The following MOBP variants were observed in gnomAD, a reference collection of about 807,000 sequenced individuals.
MOBP encodes the protein myelin associated oligodendrocyte basic protein, also known as myelin-associated oligodendrocyte basic protein.
In MOBP, 5 loss-of-function variants were observed where a neutral mutation model predicts 15.0. The observed-to-expected ratio is 0.33, with a 90% CI of 0.17 to 0.70. The LOEUF is 0.70. MOBP is among the 30% of genes least tolerant of loss of function. The pLI is 0.67. For missense variants in MOBP, 188 were observed against 257.8 expected, an observed-to-expected ratio of 0.73 and a Z score of 1.85; for synonymous variants, 88 against 99.0, an observed-to-expected ratio of 0.89 and a Z score of 0.66.
At chr3:39,513,385 T>G in exon 5 of MOBP, 1 of 1,613,902 alleles carries the variant, frequency 6.2e-7, no homozygotes. Flanking sequence ...TAAACCAGAT[T>G]GAAAAGGAAG....
intron 2 of MOBP, among the ~76,000 whole-genome samples, chr3:39,499,233 C>T (rs545311402): frequency 3.9e-5 from 6 of 152,082 alleles, no homozygotes; most frequent in African/African-American, 1.4e-4. Context: ...TCTAGCTGAA[C>T]TTCGCGACCT....
downstream of MOBP, among the ~76,000 whole-genome samples, chr3:39,519,819 AAG>A (rs1159976589): frequency 6.6e-6 from 1 of 152,112 alleles, no homozygotes; most frequent in Non-Finnish European, 1.5e-5. Flanking sequence ...TAGGGGCAGA[AAG>A]AGACCACAGC....
intron 2 of MOBP, among the ~76,000 whole-genome samples, chr3:39,492,757 T>G (rs1433689494): frequency 6.6e-6 from 1 of 152,190 alleles, no homozygotes; most frequent in Non-Finnish European, 1.5e-5. Context: ...CTGAAGCCAG[T>G]GTGTTATTCT....
exon 5 of MOBP, chr3:39,513,532 A>T: frequency 8.9e-7 from 1 of 1,127,676 alleles, no homozygotes; most frequent in Non-Finnish European, 1.3e-6. Context: ...TGCAGGGGCA[A>T]ACACCTGCTG....
rs182481107 is a variant in MOBP, at chr3:39,496,060, T to C, written c.-4-6006T>C. Among the ~76,000 whole-genome samples the C allele has an allele frequency of 9.9e-5, 15 of 152,210 alleles. No individual in the cohort carries two copies. The East Asian group carries it at 2.7e-3, about 27-fold the overall frequency. ...TTCAATAATATAAATTTGAAAAATA[T>C]GTAAGGTGTGGTCCTACTTTTTATT... is the stretch of plus-strand genomic sequence containing the variant. On this transcript the variant is annotated intron_variant, in intron 2 of 3. Coordinates refer to ENST00000684792, the MANE Select transcript of MOBP (RefSeq NM_001393704.1).
intron 4 of MOBP, among the ~76,000 whole-genome samples, chr3:39,509,150 C>A (rs1207259927): frequency 6.6e-6 from 1 of 151,886 alleles, no homozygotes; most frequent in East Asian, 1.9e-4. Flanking sequence ...TTGCTACTCA[C>A]CGGTTGAAAG....
intron 2 of MOBP, among the ~76,000 whole-genome samples, chr3:39,482,840 G>A (rs988356888): frequency 1.3e-5 from 2 of 151,664 alleles, no homozygotes; most frequent in Non-Finnish European, 2.9e-5. Context: ...TGTTACAGCC[G>A]CACTGGCCTT....
chr3:39,486,307 G>A (rs604869), intron 2 of MOBP, among the ~76,000 whole-genome samples: 53,941 of 151,800 alleles, frequency 0.36, 13,318 homozygotes, highest in African/African-American at 0.71. Context: ...TTAAATACGT[G>A]AAGCCCTTGA....
intron 2 of MOBP, among the ~76,000 whole-genome samples, chr3:39,480,887 G>C (rs1015798285): frequency 6.6e-6 from 1 of 152,190 alleles, no homozygotes; most frequent in African/African-American, 2.4e-5. Context: ...CAGTGCAAAC[G>C]TCTAGCATCT....
chr3:39,478,940 CT>C (rs371817020), intron 1 of MOBP, among the ~76,000 whole-genome samples: 3 of 151,996 alleles, frequency 2.0e-5, no homozygotes, highest in Non-Finnish European at 4.4e-5. Context: ...AGCAATTCTC[CT>C]GCCTCAGCCT....
chr3:39,496,652 C>T (rs2042888259), intron 2 of MOBP, among the ~76,000 whole-genome samples: 1 of 145,644 alleles, frequency 6.9e-6, no homozygotes, highest in African/African-American at 2.7e-5. Flanking sequence ...CACCACCACG[C>T]CCGGCTAATT....
At chr3:39,480,937 C>T (rs1460957092) in intron 2 of MOBP, among the ~76,000 whole-genome samples, 1 of 152,212 alleles carries the variant, frequency 6.6e-6, no homozygotes, top group Non-Finnish European at 1.5e-5. Flanking sequence ...TATATATATC[C>T]CATTACAAGT....
chr3:39,516,288 C>T (rs1042001459), downstream of MOBP, among the ~76,000 whole-genome samples: 5 of 151,944 alleles, frequency 3.3e-5, no homozygotes, highest in South Asian at 2.1e-4. Context: ...GCGGGGAGGG[C>T]GGTGGCACAG....
At chr3:39,472,775 A>T (rs629170) in intron 1 of MOBP, among the ~76,000 whole-genome samples, 14,308 of 152,114 alleles carry the variant, frequency 0.094, 1,168 homozygotes, top group African/African-American at 0.21. Flanking sequence ...AAAATACAAA[A>T]ATTAACCAAG....
chr3:39,479,084 T>C (rs2042587067), intron 1 of MOBP, among the ~76,000 whole-genome samples: 1 of 152,120 alleles, frequency 6.6e-6, no homozygotes, highest in Non-Finnish European at 1.5e-5. Flanking sequence ...CGCCTCGGCC[T>C]CCCAAAGTGT....
At chr3:39,492,025 C>T (rs1473675712) in intron 2 of MOBP, among the ~76,000 whole-genome samples, 1 of 152,220 alleles carries the variant, frequency 6.6e-6, no homozygotes, top group Non-Finnish European at 1.5e-5. Flanking sequence ...CTATGAGTGA[C>T]TGCACAGCTT....
chr3:39,524,003 C>G (rs970185614), intron 3 of MOBP, among the ~76,000 whole-genome samples: 1 of 152,122 alleles, frequency 6.6e-6, no homozygotes, highest in Non-Finnish European at 1.5e-5. Context: ...AAATTATAAT[C>G]TAAAGGTTTA....
intron 1 of MOBP, among the ~76,000 whole-genome samples, chr3:39,477,052 C>T (rs997620295): frequency 1.3e-5 from 2 of 151,940 alleles, no homozygotes; most frequent in Admixed American, 6.6e-5. Flanking sequence ...CTAGGTCAGA[C>T]CTATTTTATC....
chr3:39,468,880 T>TGAGTGTGTATATATACATATATAC (rs1559411643), intron 1 of MOBP, among the ~76,000 whole-genome samples: 1 of 114,972 alleles, frequency 8.7e-6, no homozygotes, highest in Non-Finnish European at 1.7e-5. Context: ...CATATATACA[T>TGAGTGTGTATATATACATATATAC]ATGTGTGTGT....
Sources: gnomAD v4.1 joint callset for allele counts (sites outside exome capture counted in the v4.1 genomes callset) on GRCh38, gnomAD v4.1.1 for gene constraint, MANE v1.5 for transcripts, NCBI Gene and HGNC (gene_info 2026-07-23, HGNC 2026-07-21) for gene names.